The following ZNF266 variants were observed in gnomAD, a reference collection of about 807,000 sequenced individuals.
The protein encoded by ZNF266 is zinc finger protein 266.
A neutral mutation model predicts 16.4 loss-of-function variants in ZNF266; 16 were observed. The ratio of observed to expected loss-of-function variants is 0.98; its 90% CI spans 0.66 to 1.48. ZNF266 has a LOEUF of 1.48. Ranked by LOEUF, ZNF266 falls within the 40% of genes most tolerant of loss-of-function variation. ZNF266 has a pLI of 0.00. For missense variants in ZNF266, 738 were observed against 689.1 expected (o/e 1.07, Z -0.79); for synonymous variants, 262 against 237.9 (o/e 1.10, Z -0.93).
chr19:9,428,284 C>T (rs2071065877), intron 5 of ZNF266, among the ~76,000 whole-genome samples: 1 of 152,192 alleles, frequency 6.6e-6, no homozygotes, highest in African/African-American at 2.4e-5. Flanking sequence ...CCACTGAGGC[C>T]TCCTTAGGCC....
chr19:9,413,054 T>A lies in ZNF266; in HGVS notation c.*221A>T. 1.8e-6 allele frequency: 1 copy of A among 561,476 alleles called. No homozygotes were observed. The highest frequency in any genetic ancestry group is 3.0e-5 in the East Asian group (1 of 33,372). The allele number at this position is 561,476 out of a possible 1,614,324, so 34.8% of individuals were successfully genotyped here. A position where few individuals can be genotyped will look rare whatever the true frequency, so the allele number is the denominator to read the frequency against. ...AGATTCTCTACATTCATACAGTTTC[T>A]CTCCAGTGAGATTTCTGATGTGTTT... On this transcript the variant is annotated 3_prime_UTR_variant, in exon 11 of 11. Coordinates refer to ENST00000592904, the MANE Select transcript of ZNF266 (RefSeq NM_001370374.1).
chr19:9,429,731 G>A (rs181999661), intron 5 of ZNF266, among the ~76,000 whole-genome samples: 220 of 152,186 alleles, frequency 1.4e-3, no homozygotes, highest in Middle Eastern at 3.4e-3. Flanking sequence ...TCCTGGTAGC[G>A]TACTTGCATT....
rs745821727 is a variant in ZNF266, at chr19:9,413,750, G to A, written c.1376C>T (p.Ser459Phe). ...TCTTGTATGTTCACTAAGGCGAGAG[G>A]ATCTGGCAAAGGCCTTTCCACATTC... ...CKECGKAFARSSRLSEHTRTH... is the reference protein window; with the variant it reads ...CKECGKAFARFSRLSEHTRTH... The change falls in exon 11 of 11, where the codon TCC becomes TTC. Residue 459 changes from serine (S) to phenylalanine (F), a missense_variant. Coordinates refer to ENST00000592904, the MANE Select transcript of ZNF266 (RefSeq NM_001370374.1). 2 of 1,614,158 alleles carry A rather than the reference G, an allele frequency of 1.2e-6. No individual in the cohort carries two copies. Among genetic ancestry groups the A allele is most frequent in the Admixed American group, 3.3e-5 (2 of 60,020 alleles).
rs187570396 is a variant in ZNF266 at position 9,417,992 on chromosome 19, A to G, written c.236-84T>C. The G allele has an allele frequency of 7.5e-5, 100 of 1,329,580 alleles. No individual in the cohort carries two copies. The East Asian group carries it at 1.9e-3, about 25-fold the overall frequency. The allele number at this position is 1,329,580 out of a possible 1,614,324, so 82.4% of individuals were successfully genotyped here. A position where few individuals can be genotyped will look rare whatever the true frequency, so the allele number is the denominator to read the frequency against. On this transcript the variant is annotated intron_variant, in intron 8 of 10. Transcript: ENST00000592904. ...TCCACAACTCAGGAGATATAGTTCCAATGGAAGCAGTGAAATTATTTTAAA... is the reference window on the plus strand; with the variant it reads ...TCCACAACTCAGGAGATATAGTTCCGATGGAAGCAGTGAAATTATTTTAAA...
At chr19:9,418,217 C>T (rs59277258) in intron 8 of ZNF266, among the ~76,000 whole-genome samples, 17,361 of 152,186 alleles carry the variant, frequency 0.11, 1,410 homozygotes, top group African/African-American at 0.23. Context: ...TATAGCACAT[C>T]AGATTCATGA....
intron 5 of ZNF266, among the ~76,000 whole-genome samples, chr19:9,427,307 T>C (rs928395814): frequency 1.3e-5 from 2 of 152,108 alleles, no homozygotes; most frequent in African/African-American, 4.8e-5. Flanking sequence ...AATTATAAAT[T>C]TGACCAACAT....
At position 9,412,700 on chromosome 19, in the gene ZNF266, C is replaced by G. The variant is rs2068437842; in HGVS notation, c.*575G>C. 1 of 152,506 alleles carries G rather than the reference C, an allele frequency of 6.6e-6. No individual in the cohort carries two copies. Among genetic ancestry groups the G allele is most frequent in the Admixed American group, 6.5e-5 (1 of 15,276 alleles). 9.4% of individuals were successfully genotyped at this position (152,506 alleles called of 1,614,324 possible). A position where few individuals can be genotyped will look rare whatever the true frequency, so the allele number is the denominator to read the frequency against. The stretch of plus-strand genomic sequence containing the variant: ...CCTCTGGAGGCCATAATGAAAGCAT[C>G]TGTTCCAGGTCTCTGTCCTTGGCTT... On this transcript the variant is annotated 3_prime_UTR_variant, in exon 11 of 11. Transcript: ENST00000592904.
At chr19:9,415,239 G>A (rs769044719) in intron 10 of ZNF266, among the ~76,000 whole-genome samples, 16 of 152,176 alleles carry the variant, frequency 1.1e-4, no homozygotes, top group Non-Finnish European at 2.4e-4. Flanking sequence ...AGGTTGCAGT[G>A]AGCCAAGATC....
At position 9,413,609 on chromosome 19, in the gene ZNF266, A is replaced by G. The variant is rs1222696833; in HGVS notation, c.1517T>C (p.Leu506Pro). The change falls in exon 11 of 11, where the codon CTG (leucine) becomes CCG (proline). Residue 506 changes from leucine to proline, a missense_variant. Transcript: ENST00000592904. ...IHTGEKPFEC[L>P]ECGKAFTHSS... Reference sequence around the variant, plus strand: ...ATGCGTAAATGCTTTACCACATTCCAGGCACTCAAAGGGCTTCTCTCCAGT... The same window carrying G: ...ATGCGTAAATGCTTTACCACATTCCGGGCACTCAAAGGGCTTCTCTCCAGT... The G allele has an allele frequency of 3.7e-6, 6 of 1,614,064 alleles. No individual in the cohort carries two copies. Among genetic ancestry groups the G allele is most frequent in the Non-Finnish European group, 4.2e-6 (5 of 1,180,014 alleles).
intron 5 of ZNF266, among the ~76,000 whole-genome samples, chr19:9,422,742 C>G (rs2070120195): frequency 6.6e-6 from 1 of 150,440 alleles, no homozygotes; most frequent in Non-Finnish European, 1.5e-5. Flanking sequence ...AAGGCTGACC[C>G]TGAAGGGGGC....
intron 5 of ZNF266, among the ~76,000 whole-genome samples, chr19:9,429,536 A>G (rs1304385273): frequency 6.6e-6 from 1 of 152,000 alleles, no homozygotes; most frequent in Non-Finnish European, 1.5e-5. Flanking sequence ...GTCCTAGCCC[A>G]AAATATCACC....
Position 9,413,142 on chromosome 19 carries a change from G to A in ZNF266, c.*133C>T. The A allele has an allele frequency of 1.8e-6, 2 of 1,139,612 alleles. No individual in the cohort carries two copies. Among genetic ancestry groups the A allele is most frequent in the South Asian group, 3.4e-5 (2 of 58,916 alleles). The allele number at this position is 1,139,612 out of a possible 1,614,324, so 70.6% of individuals were successfully genotyped here. A position where few individuals can be genotyped will look rare whatever the true frequency, so the allele number is the denominator to read the frequency against. On this transcript the variant is annotated 3_prime_UTR_variant, in exon 11 of 11. Transcript: ENST00000592904. The stretch of plus-strand genomic sequence containing the variant: ...TCCCTGATGCAGGGTCTTCTCCACT[G>A]TGAATTCATATGTGTTCATTAAGAC...
At chr19:9,421,904 T>G (rs1165318808) in intron 5 of ZNF266, among the ~76,000 whole-genome samples, 6 of 151,974 alleles carry the variant, frequency 3.9e-5, no homozygotes, top group East Asian at 1.9e-4. Context: ...CAGGCTGGAG[T>G]GCAGTGGCGC....
intron 9 of ZNF266, among the ~76,000 whole-genome samples, chr19:9,416,395 C>A (rs2069003278): frequency 7.0e-6 from 1 of 143,596 alleles, no homozygotes; most frequent in African/African-American, 2.6e-5. Flanking sequence ...AAGACTTTCA[C>A]TCTTGTCACT....
At chr19:9,428,986 G>A (rs1326144995) in intron 5 of ZNF266, among the ~76,000 whole-genome samples, 5 of 151,674 alleles carry the variant, frequency 3.3e-5, no homozygotes, top group Admixed American at 6.6e-5. Context: ...CTCCCACTTC[G>A]GCCTCCCAAA....
chr19:9,414,812 T>C (rs2068738315), intron 10 of ZNF266, 92 bp from the exon 11 acceptor site: 8 of 1,369,094 alleles, frequency 5.8e-6, no homozygotes, highest in Non-Finnish European at 7.8e-6. Context: ...GTGATGATTA[T>C]TATCATGTTT....
At chr19:9,422,447 C>T (rs900358438) in intron 5 of ZNF266, among the ~76,000 whole-genome samples, 5 of 152,198 alleles carry the variant, frequency 3.3e-5, no homozygotes, top group African/African-American at 1.2e-4. Flanking sequence ...ATGCATTGAA[C>T]TACTCAAAGA....
At chr19:9,422,485 T>C (rs182597138) in intron 5 of ZNF266, among the ~76,000 whole-genome samples, 8 of 152,350 alleles carry the variant, frequency 5.3e-5, no homozygotes, top group African/African-American at 1.9e-4. Flanking sequence ...ATACTGTCTC[T>C]TTCTATGCAC....
chr19:9,427,967 A>G (rs62103911), intron 5 of ZNF266, among the ~76,000 whole-genome samples: 1 of 28,932 alleles, frequency 3.5e-5, no homozygotes, highest in African/African-American at 1.5e-4. Flanking sequence ...TGCCTCGAAG[A>G]AAAAAAAAAG....
Sources: gnomAD v4.1 joint callset for allele counts (sites outside exome capture counted in the v4.1 genomes callset) on GRCh38, gnomAD v4.1.1 for gene constraint, MANE v1.5 for transcripts, NCBI Gene and HGNC (gene_info 2026-07-23, HGNC 2026-07-21) for gene names.